Variants in ZWILCH observed in about 807,000 individuals in gnomAD.
ZWILCH encodes the protein protein zwilch homolog.
A neutral mutation model predicts 79.9 loss-of-function variants in ZWILCH; 74 were observed. That is an observed-to-expected ratio of 0.93 (90% CI 0.77 to 1.12). The LOEUF (loss-of-function observed/expected upper bound fraction) is 1.12. Among genes scored for constraint, ZWILCH ranks in the 50% most tolerant of loss-of-function variants. ZWILCH has a pLI of 0.00. For synonymous variants in ZWILCH, 241 were observed against 228.2 expected, an observed-to-expected ratio of 1.06 and a Z score of -0.51; for missense variants, 694 against 687.5, an observed-to-expected ratio of 1.01 and a Z score of -0.11.
chr15:66,532,024 G>A (rs1323714426), intron 12 of ZWILCH, among the ~76,000 whole-genome samples: 1 of 152,094 alleles, frequency 6.6e-6, no homozygotes, highest in Admixed American at 6.5e-5. Flanking sequence ...CCGAGATCGT[G>A]CCACTGCACT....
intron 2 of ZWILCH, among the ~76,000 whole-genome samples, chr15:66,509,854 T>C (rs1177637474): frequency 2.2e-5 from 2 of 92,258 alleles, no homozygotes; most frequent in African/African-American, 7.2e-5. Context: ...TATATATATA[T>C]ATATATATAT....
intron 8 of ZWILCH, among the ~76,000 whole-genome samples, chr15:66,525,499 T>G: frequency 6.6e-6 from 1 of 152,336 alleles, no homozygotes; most frequent in South Asian, 2.1e-4. Flanking sequence ...TACAATTCTT[T>G]TCCTCCTTTG....
chr15:66,526,055 T>C (rs2140777641), intron 8 of ZWILCH, among the ~76,000 whole-genome samples: 1 of 152,176 alleles, frequency 6.6e-6, no homozygotes, highest in East Asian at 1.9e-4. Context: ...TGAGCCACCA[T>C]GCCCAACCAT....
At position 66,548,662 on chromosome 15, in the gene ZWILCH, A is replaced by T. The variant is rs1047254515; in HGVS notation, c.*338A>T. 1.1e-6 allele frequency: 1 copy of T among 897,498 alleles called. No individual in the cohort carries two copies. 55.6% of individuals were successfully genotyped at this position (897,498 alleles called of 1,614,324 possible). On this transcript the variant is annotated 3_prime_UTR_variant, in exon 19 of 19. Transcript: ENST00000307897. ...TGAGAACAGGATCATTTTAGTAAAT[A>T]CAGCTTTATCCCAAAAGCTTTAACT...
At chr15:66,511,360 C>T (rs954734046) in intron 2 of ZWILCH, among the ~76,000 whole-genome samples, 41 of 151,992 alleles carry the variant, frequency 2.7e-4, no homozygotes, top group Admixed American at 9.8e-4. Flanking sequence ...TGGTGTCACG[C>T]ACCTATAGTC....
At chr15:66,509,457 G>C (rs1356302867) in intron 2 of ZWILCH, among the ~76,000 whole-genome samples, 1 of 151,936 alleles carries the variant, frequency 6.6e-6, no homozygotes, top group African/African-American at 2.4e-5. Context: ...CTTTCAATTA[G>C]TATAATGCAT....
chr15:66,518,962 C>T lies in ZWILCH; in HGVS notation c.404C>T (p.Pro135Leu), dbSNP rs776362439. The change falls in exon 5 of 19, where the codon CCC becomes CTC. Residue 135 changes from proline to leucine, a missense_variant. Transcript: ENST00000307897. ...KINLPVTALPPLWVRCDSSDP... is the reference protein window; with the variant it reads ...KINLPVTALPLLWVRCDSSDP... Reference sequence around the variant, plus strand: ...AATCTGCCAGTTACTGCCCTTCCTCCCCTTTGGGTAAGATGTGACAGTTCA... The same window carrying T: ...AATCTGCCAGTTACTGCCCTTCCTCTCCTTTGGGTAAGATGTGACAGTTCA... 8 of 1,614,056 alleles carry T rather than the reference C, an allele frequency of 5.0e-6. No individual in the cohort carries two copies.
At chr15:66,539,997 C>A in intron 16 of ZWILCH, 101 bp from the exon 17 acceptor site, 1 of 698,998 alleles carries the variant, frequency 1.4e-6, no homozygotes, top group Non-Finnish European at 2.4e-6. Flanking sequence ...TCTTTGTCCT[C>A]AGTGCTTATC....
intron 14 of ZWILCH, 139 bp downstream of exon 14, chr15:66,533,152 T>C (rs1284979555): frequency 2.1e-6 from 1 of 472,412 alleles, no homozygotes; most frequent in Non-Finnish European, 3.7e-6. Flanking sequence ...TGCCCGTAGT[T>C]ATTACTGCCT....
At chr15:66,536,928 A>C (rs187995487) in intron 15 of ZWILCH, among the ~76,000 whole-genome samples, 1 of 152,112 alleles carries the variant, frequency 6.6e-6, no homozygotes, top group Admixed American at 6.6e-5. Flanking sequence ...TTTATGAGAA[A>C]TATGTCTATT....
intron 4 of ZWILCH, among the ~76,000 whole-genome samples, chr15:66,517,328 ATAGT>A (rs1894302364): frequency 6.6e-6 from 1 of 150,784 alleles, no homozygotes; most frequent in African/African-American, 2.4e-5. Context: ...GTATTCATAT[ATAGT>A]TATATATGTA....
Position 66,522,292 on chromosome 15 carries a change from T to G in ZWILCH, c.747+1087T>G, listed in dbSNP as rs182652833. The stretch of plus-strand genomic sequence containing the variant: ...GTTTCCAAAATACTATAAACAAAAC[T>G]GGAATGTTCAGTAGGGAATAGTTGA... On this transcript the variant is annotated intron_variant, in intron 7 of 18. Transcript: ENST00000307897. Among the ~76,000 whole-genome samples the G allele has an allele frequency of 2.9e-3, 438 of 151,666 alleles. 2 individuals are homozygous for G. Among genetic ancestry groups the G allele is most frequent in the African/African-American group, 0.01 (424 of 41,368 alleles).
At chr15:66,508,185 T>A (rs558067063) in intron 1 of ZWILCH, among the ~76,000 whole-genome samples, 2 of 151,544 alleles carry the variant, frequency 1.3e-5, no homozygotes, top group Admixed American at 6.6e-5. Flanking sequence ...TAGATCAGGC[T>A]GGTGTGTATT....
intron 13 of ZWILCH, among the ~76,000 whole-genome samples, 163 bp downstream of exon 13, chr15:66,532,566 G>T (rs1894889550): frequency 6.6e-6 from 1 of 151,402 alleles, no homozygotes; most frequent in Non-Finnish European, 1.5e-5. Context: ...CTGGGCCTTA[G>T]TTTCCCCCCA....
intron 7 of ZWILCH, among the ~76,000 whole-genome samples, chr15:66,522,903 A>C (rs1356211149): frequency 6.6e-6 from 1 of 151,738 alleles, no homozygotes; most frequent in African/African-American, 2.4e-5. Context: ...GCTGACGGCA[A>C]CCTCTGCCTC....
intron 16 of ZWILCH, 69 bp downstream of exon 16, chr15:66,537,332 AG>A (rs1895047036): frequency 7.6e-6 from 9 of 1,188,226 alleles, no homozygotes; most frequent in Non-Finnish European, 1.1e-5. Context: ...CTGAGGTGGG[AG>A]GATAACTTGA....
At chr15:66,543,579 G>T (rs1193282642) in intron 17 of ZWILCH, among the ~76,000 whole-genome samples, 1 of 152,012 alleles carries the variant, frequency 6.6e-6, no homozygotes, top group Non-Finnish European at 1.5e-5. Flanking sequence ...TAACACAGTG[G>T]GACCCGATCT....
In ZWILCH at chr15:66,547,769, G is replaced by A. The variant is rs1360719199; in HGVS notation, c.*27-582G>A. ...GCTAATAATATTTACAACCTGGAAG[G>A]ATTGTTATCTATAGATTTCTTTTCT... On this transcript the variant is annotated intron_variant, in intron 18 of 18. Transcript: ENST00000307897. The A allele has an allele frequency of 2.6e-5, 4 of 152,058 alleles. No individual in the cohort carries two copies. The East Asian group carries it at 7.7e-4, about 29-fold the overall frequency. 9.4% of individuals were successfully genotyped at this position (152,058 alleles called of 1,614,324 possible).
At chr15:66,509,002 C>T (rs1455777999) in intron 2 of ZWILCH, 110 bp downstream of exon 2, 44 of 1,171,456 alleles carry the variant, frequency 3.8e-5, no homozygotes, top group Non-Finnish European at 4.1e-5. Context: ...TGCAGTGGCG[C>T]GATCTCGGCT....
Sources: gnomAD v4.1 joint callset for allele counts (sites outside exome capture counted in the v4.1 genomes callset) on GRCh38, gnomAD v4.1.1 for gene constraint, MANE v1.5 for transcripts, NCBI Gene and HGNC (gene_info 2026-07-23, HGNC 2026-07-21) for gene names.